The following KIF26B variants were observed in gnomAD, a reference collection of about 807,000 sequenced individuals.
KIF26B encodes the protein kinesin-like protein KIF26B.
Under a neutral mutation model 151.2 loss-of-function variants are expected in KIF26B, and 63 were observed. The observed-to-expected ratio is 0.42, with a 90% confidence interval of 0.34 to 0.51. The LOEUF is 0.51. KIF26B is among the 20% of genes least tolerant of loss of function. The probability of loss-of-function intolerance (pLI) is 0.07; values close to 1 mark genes in which losing one functional copy is unlikely to be tolerated. For missense variants in KIF26B, 2,813 were observed against 2,913.6 expected, an observed-to-expected ratio of 0.97 and a Z score of 0.79; for synonymous variants, 1,357 against 1,262.1, an observed-to-expected ratio of 1.08 and a Z score of -1.59.
intron 2 of KIF26B, among the ~76,000 whole-genome samples, chr1:245,164,015 C>T (rs759516003): frequency 6.6e-6 from 1 of 152,100 alleles, no homozygotes; most frequent in Non-Finnish European, 1.5e-5. Flanking sequence ...GTACTCCTGA[C>T]ACAATGTTAC....
At chr1:245,220,420 CCAGGGTCCA>C (rs1669742224) in intron 2 of KIF26B, among the ~76,000 whole-genome samples, 1 of 146,440 alleles carries the variant, frequency 6.8e-6, no homozygotes, top group South Asian at 2.2e-4. Flanking sequence ...AGTCCAGGGT[CCAGGGTCCA>C]GGGTCCAGGG....
At chr1:245,670,177 A>C (rs549690052) in intron 10 of KIF26B, among the ~76,000 whole-genome samples, 1 of 151,120 alleles carries the variant, frequency 6.6e-6, no homozygotes, top group East Asian at 1.9e-4. Flanking sequence ...TTAGAAGAAC[A>C]CTTTTTAATA....
intron 2 of KIF26B, among the ~76,000 whole-genome samples, chr1:245,258,165 A>T (rs969375149): frequency 6.6e-6 from 1 of 152,158 alleles, no homozygotes; most frequent in Admixed American, 6.5e-5. Context: ...CCTTGCTTTC[A>T]TTATGATTTC....
chr1:245,450,670 C>A (rs1041996134), intron 4 of KIF26B, among the ~76,000 whole-genome samples: 1 of 151,988 alleles, frequency 6.6e-6, no homozygotes, highest in Non-Finnish European at 1.5e-5. Context: ...TTGGGTTAGG[C>A]GTATTCTGTG....
At chr1:245,499,009 A>G (rs556981391) in intron 4 of KIF26B, among the ~76,000 whole-genome samples, 1 of 152,324 alleles carries the variant, frequency 6.6e-6, no homozygotes, top group African/African-American at 2.4e-5. Context: ...AGTTACATTC[A>G]TGAGGCAACC....
chr1:245,190,344 A>G (rs947588737), intron 2 of KIF26B, among the ~76,000 whole-genome samples: 14 of 152,044 alleles, frequency 9.2e-5, no homozygotes, highest in Non-Finnish European at 1.8e-4. Context: ...TTTTTTGCCT[A>G]GGTCTTATCA....
chr1:245,317,009 A>T (rs1671792927), intron 2 of KIF26B, among the ~76,000 whole-genome samples: 1 of 151,958 alleles, frequency 6.6e-6, no homozygotes, highest in Admixed American at 6.6e-5. Flanking sequence ...CACGGTGGTG[A>T]TATACGATTT....
rs563005496 is a variant in KIF26B, at chr1:245,571,360, A to G, written c.1350+30410A>G. On this transcript the variant is annotated intron_variant, in intron 5 of 14. Coordinates refer to ENST00000407071, the MANE Select transcript of KIF26B (RefSeq NM_018012.4). ...GCTGTTGATAGAAAGACACCTACCC[A>G]GCTCTGAAGAGTTATTTGGTCCCTA... 1.4e-4 allele frequency among the ~76,000 whole-genome samples: 21 copies of G among 152,344 alleles called. No homozygotes were observed. The South Asian group carries it at 3.9e-3, about 29-fold the overall frequency.
chr1:245,309,471 C>T (rs1488168989), intron 2 of KIF26B, among the ~76,000 whole-genome samples: 1 of 151,982 alleles, frequency 6.6e-6, no homozygotes, highest in Non-Finnish European at 1.5e-5. Flanking sequence ...GGTCTCAAGG[C>T]TGCCAGCCTT....
chr1:245,563,386 A>G lies in KIF26B; in HGVS notation c.1350+22436A>G, dbSNP rs768252991. ...GGGTTAATGTTTCCAAGTGGGTTCT[A>G]TCTTCTCAAGGATCACTGGTCTTTC... On this transcript the variant is annotated intron_variant, in intron 5 of 14. Transcript: ENST00000407071. The surrounding 1 kb of genome is among the most constrained non-coding windows in gnomAD (Gnocchi z 4.6). 1.3e-5 allele frequency among the ~76,000 whole-genome samples: 2 copies of G among 152,136 alleles called. No individual in the cohort carries two copies. Among genetic ancestry groups the G allele is most frequent in the African/African-American group, 2.4e-5 (1 of 41,408 alleles).
chr1:245,247,617 A>T (rs1321973218), intron 2 of KIF26B, among the ~76,000 whole-genome samples: 1 of 152,146 alleles, frequency 6.6e-6, no homozygotes, highest in Non-Finnish European at 1.5e-5. Flanking sequence ...GAGCTTGTTT[A>T]TGGAAGTAAG....
intron 6 of KIF26B, among the ~76,000 whole-genome samples, chr1:245,607,343 G>A (rs1019230206): frequency 1.3e-5 from 2 of 152,160 alleles, no homozygotes; most frequent in African/African-American, 4.8e-5. Context: ...AGGGAATGAG[G>A]TTCATGAGCA....
intron 2 of KIF26B, among the ~76,000 whole-genome samples, chr1:245,253,354 G>C (rs1670478119): frequency 6.6e-6 from 1 of 151,948 alleles, no homozygotes; most frequent in Non-Finnish European, 1.5e-5. Context: ...TTTTTTTAGT[G>C]TTAAATGATT....
At chr1:245,449,546 C>T (rs1403457090) in intron 4 of KIF26B, among the ~76,000 whole-genome samples, 2 of 152,206 alleles carry the variant, frequency 1.3e-5, no homozygotes, top group Non-Finnish European at 2.9e-5. Context: ...GTGTCACCTT[C>T]TCTGTGGCTG....
intron 2 of KIF26B, among the ~76,000 whole-genome samples, chr1:245,274,622 T>C (rs1281607358): frequency 6.6e-6 from 1 of 152,230 alleles, no homozygotes; most frequent in Non-Finnish European, 1.5e-5. Context: ...CTTTATCCAG[T>C]CTATCATTGT....
intron 4 of KIF26B, among the ~76,000 whole-genome samples, chr1:245,423,689 T>C (rs1658552248): frequency 6.6e-6 from 1 of 152,156 alleles, no homozygotes; most frequent in South Asian, 2.1e-4. Context: ...TTACACGGTG[T>C]TTTCCTGTTG....
rs1558263081 is a variant in KIF26B at position 245,673,265 on chromosome 1, ATCTTAGGCCCAGTCCCCG to A, written c.2259-10967_2259-10950del. On this transcript the variant is annotated intron_variant, in intron 10 of 14. Transcript: ENST00000407071. Reference sequence around the variant, plus strand: ...GGCCCAGTCCCCGCTGGGCGCTGCCATCTTAGGCCCAGTCCCCGCTGGGCGCTGCCATCTTAGGCCCAG... The same window carrying A: ...GGCCCAGTCCCCGCTGGGCGCTGCCACTGGGCGCTGCCATCTTAGGCCCAG... Among the ~76,000 whole-genome samples, 10 of 144,066 alleles carry A rather than the reference ATCTTAGGCCCAGTCCCCG, an allele frequency of 6.9e-5. 2 individuals carry two copies. The highest frequency in any genetic ancestry group is 2.4e-4 in the African/African-American group (9 of 38,166). 94.5% of individuals were successfully genotyped at this position (144,066 alleles called of 152,430 possible).
chr1:245,468,694 A>G lies in KIF26B; in HGVS notation c.1166+48949A>G, dbSNP rs1572077510. On this transcript the variant is annotated intron_variant, in intron 4 of 14. Coordinates refer to ENST00000407071, the MANE Select transcript of KIF26B (RefSeq NM_018012.4). ...ACATCTTAGAGAGAGAGAGAGAGAG[A>G]GAGAGGTGAGGGAGGGGCTTTGTTA... Among the ~76,000 whole-genome samples the G allele has an allele frequency of 2.0e-5, 3 of 152,262 alleles. No individual in the cohort carries two copies. The Middle Eastern group carries it at 0.01, about 518-fold the overall frequency.
rs559271764 is a variant in KIF26B at position 245,166,219 on chromosome 1, G to A, written c.465+9536G>A. ...GTTATTATTCCAGTGACTTTCCACA[G>A]GAAGTTGAATTTTATATAAGATTCC... On this transcript the variant is annotated intron_variant, in intron 2 of 14. Transcript: ENST00000407071. This position sits in a 1 kb window ranked among gnomAD's most constrained non-coding sequence, Gnocchi z 4.5. Among the ~76,000 whole-genome samples, 1 of 152,298 alleles carries A rather than the reference G, an allele frequency of 6.6e-6. No individual in the cohort carries two copies. Among genetic ancestry groups the A allele is most frequent in the African/African-American group, 2.4e-5 (1 of 41,578 alleles).
Sources: allele counts gnomAD v4.1 joint callset (sites outside exome capture counted in the v4.1 genomes callset), GRCh38; gene constraint gnomAD v4.1.1; non-coding constraint Gnocchi (gnomAD v3.1); transcripts MANE v1.5; gene names NCBI Gene and HGNC (gene_info 2026-07-23, HGNC 2026-07-21).